Variants in EML6 observed in about 807,000 individuals in gnomAD.
The protein encoded by EML6 is echinoderm microtubule-associated protein-like 6.
EML6 carries 154 observed loss-of-function variants against 240.1 expected under a neutral mutation model. The ratio of observed to expected loss-of-function variants is 0.64; its 90% confidence interval spans 0.56 to 0.73. The LOEUF is 0.73. EML6 is among the 30% of genes least tolerant of loss of function. EML6 has a pLI of 0.00. For synonymous variants in EML6, 1,148 were observed against 899.0 expected, an observed-to-expected ratio of 1.28 and a Z score of -4.95; for missense variants, 2,964 against 2,474.6, an observed-to-expected ratio of 1.20 and a Z score of -4.20.
chr2:54,931,693 C>T (rs889726878), intron 28 of EML6, among the ~76,000 whole-genome samples: 1 of 152,164 alleles, frequency 6.6e-6, no homozygotes, highest in South Asian at 2.1e-4. Flanking sequence ...TGGTTCAAGA[C>T]ATGCACCAAT....
At chr2:54,948,218 G>C (rs1029727485) in intron 28 of EML6, among the ~76,000 whole-genome samples, 1 of 152,158 alleles carries the variant, frequency 6.6e-6, no homozygotes, top group Non-Finnish European at 1.5e-5. Flanking sequence ...GGAGGCCCCA[G>C]ACCCCAAAAC....
At position 54,774,182 on chromosome 2, in the gene EML6, A is replaced by G. The variant is rs961670804; in HGVS notation, c.198-39050A>G. Among the ~76,000 whole-genome samples the G allele has an allele frequency of 2.0e-5, 3 of 152,186 alleles. No individual in the cohort carries two copies. Among genetic ancestry groups the G allele is most frequent in the African/African-American group, 2.4e-5 (1 of 41,444 alleles). On this transcript the variant is annotated intron_variant, in intron 2 of 41. Coordinates refer to ENST00000356458, the MANE Select transcript of EML6 (RefSeq NM_001039753.4). The surrounding 1 kb of genome is among the most constrained non-coding windows in gnomAD (Gnocchi z 4.1). ...CTTTATTCTTGGCATTTATTTCTGT[A>G]AAAGAAGAGGAGTGATTATCATAGG...
chr2:54,849,812 CATTTT>C (rs1669973692), intron 9 of EML6, 145 bp from the exon 10 acceptor site: 1 of 691,056 alleles, frequency 1.4e-6, no homozygotes, highest in Admixed American at 3.0e-5. Flanking sequence ...TAAATAATAA[CATTTT>C]ATATATTTAC....
chr2:54,855,585 A>G (rs1286969434), intron 11 of EML6, among the ~76,000 whole-genome samples: 1 of 152,038 alleles, frequency 6.6e-6, no homozygotes, highest in Non-Finnish European at 1.5e-5. Context: ...CATAAAAAAC[A>G]GCTCTTTGGA....
chr2:54,955,722 G>A (rs745649035), intron 32 of EML6, among the ~76,000 whole-genome samples: 5 of 152,222 alleles, frequency 3.3e-5, no homozygotes, highest in Non-Finnish European at 5.9e-5. Flanking sequence ...CCCAGGGGAA[G>A]GTTAGAGGAG....
intron 2 of EML6, among the ~76,000 whole-genome samples, chr2:54,760,537 C>T (rs1444470648): frequency 2.6e-5 from 4 of 152,102 alleles, no homozygotes; most frequent in African/African-American, 4.8e-5. Context: ...TTTTCAGTTT[C>T]AATATAGCCT....
chr2:54,914,316 A>G (rs1352803456), intron 25 of EML6, among the ~76,000 whole-genome samples: 3 of 152,202 alleles, frequency 2.0e-5, no homozygotes, highest in Non-Finnish European at 4.4e-5. Flanking sequence ...TCCATGGCCT[A>G]CACCATGAAG....
chr2:54,749,397 A>G (rs1180406732), intron 2 of EML6, among the ~76,000 whole-genome samples: 1 of 152,126 alleles, frequency 6.6e-6, no homozygotes, highest in African/African-American at 2.4e-5. Context: ...TTGATCATTT[A>G]ATATGTGATT....
chr2:54,856,969 C>G (rs1424670292), intron 11 of EML6, among the ~76,000 whole-genome samples: 1 of 152,074 alleles, frequency 6.6e-6, no homozygotes, highest in Non-Finnish European at 1.5e-5. Flanking sequence ...GAAACAGTTT[C>G]AAGGCAGAGC....
At chr2:54,841,685 C>T (rs184106426) in intron 7 of EML6, among the ~76,000 whole-genome samples, 1 of 151,716 alleles carries the variant, frequency 6.6e-6, no homozygotes, top group Non-Finnish European at 1.5e-5. Flanking sequence ...CTCCGCCTCC[C>T]AGGCTCATGC....
chr2:54,827,448 A>C, intron 5 of EML6, 118 bp from the exon 6 acceptor site: 2 of 797,552 alleles, frequency 2.5e-6, no homozygotes, highest in Non-Finnish European at 3.9e-6. Context: ...AAATTAACTT[A>C]TTTGTGCCTA....
At chr2:54,741,605 T>C (rs766408144) in intron 2 of EML6, among the ~76,000 whole-genome samples, 1 of 152,156 alleles carries the variant, frequency 6.6e-6, no homozygotes, top group Non-Finnish European at 1.5e-5. Context: ...AAAAAGCTGA[T>C]TCTAGGCCTG....
chr2:54,862,653 G>A (rs1256813508), intron 12 of EML6, among the ~76,000 whole-genome samples: 3 of 152,044 alleles, frequency 2.0e-5, no homozygotes, highest in South Asian at 2.1e-4. Context: ...AGAAAATAAA[G>A]CCAAATCTAG....
chr2:54,854,510 C>G (rs148193376), intron 11 of EML6, among the ~76,000 whole-genome samples: 1 of 152,190 alleles, frequency 6.6e-6, no homozygotes, highest in Admixed American at 6.5e-5. Flanking sequence ...TAGGCAAAGC[C>G]CATATTCAGG....
At chr2:54,728,359 T>A (rs1682999378) in intron 2 of EML6, among the ~76,000 whole-genome samples, 1 of 152,232 alleles carries the variant, frequency 6.6e-6, no homozygotes, top group African/African-American at 2.4e-5. Flanking sequence ...TGATTCCAGT[T>A]GAGACATTTA....
At chr2:54,877,853 T>C (rs1026354262) in intron 16 of EML6, among the ~76,000 whole-genome samples, 7 of 152,254 alleles carry the variant, frequency 4.6e-5, no homozygotes, top group African/African-American at 1.4e-4. Flanking sequence ...GGAGAGGATT[T>C]GGTTTGTTAA....
chr2:54,846,936 T>TTTTTTTTTTTTTTTTG (rs1669793625), intron 8 of EML6, among the ~76,000 whole-genome samples: 4 of 151,160 alleles, frequency 2.6e-5, no homozygotes, highest in Non-Finnish European at 4.4e-5. Context: ...TTTTTTTTTT[T>TTTTTTTTTTTTTTTTG]GGAGACAGGG....
chr2:54,768,687 A>G (rs574078124), intron 2 of EML6, among the ~76,000 whole-genome samples: 125 of 152,300 alleles, frequency 8.2e-4, no homozygotes, highest in Middle Eastern at 3.4e-3. Flanking sequence ...ATCTTGGGCA[A>G]GCCATTATCT....
intron 5 of EML6, among the ~76,000 whole-genome samples, chr2:54,826,141 C>T (rs1312580633): frequency 2.0e-5 from 3 of 152,166 alleles, no homozygotes; most frequent in African/African-American, 4.8e-5. Context: ...AGTATTTTTT[C>T]TAACCCCATT....
Sources: gnomAD v4.1 joint callset for allele counts (sites outside exome capture counted in the v4.1 genomes callset) on GRCh38, gnomAD v4.1.1 for gene constraint, Gnocchi (gnomAD v3.1) non-coding constraint, MANE v1.5 for transcripts, NCBI Gene and HGNC (gene_info 2026-07-23, HGNC 2026-07-21) for gene names.